Variants in GPC5 observed in about 807,000 individuals in gnomAD.
GPC5 encodes glypican-5.
In GPC5, 47 loss-of-function variants were observed where a neutral mutation model predicts 53.9. That is an observed-to-expected ratio of 0.87 (90% CI 0.69 to 1.11). The LOEUF is 1.11. Among genes scored for constraint, GPC5 ranks in the 50% most tolerant of loss-of-function variants. GPC5 has a pLI of 0.00. For missense variants in GPC5, 748 were observed against 713.1 expected, an observed-to-expected ratio of 1.05 and a Z score of -0.56; for synonymous variants, 286 against 263.3, an observed-to-expected ratio of 1.09 and a Z score of -0.84.
At chr13:92,303,658 A>G (rs537783473) in intron 7 of GPC5, among the ~76,000 whole-genome samples, 2 of 152,336 alleles carry the variant, frequency 1.3e-5, no homozygotes, top group Admixed American at 6.5e-5. Context: ...GCATTGCCCA[A>G]CACAAACCAA....
At chr13:92,077,731 A>T (rs1184216871) in intron 6 of GPC5, among the ~76,000 whole-genome samples, 3 of 152,190 alleles carry the variant, frequency 2.0e-5, no homozygotes, top group African/African-American at 7.2e-5. Flanking sequence ...AAATGTGTGG[A>T]TAAGAGAGCA....
At chr13:92,479,567 G>C (rs1302125349) in intron 7 of GPC5, among the ~76,000 whole-genome samples, 1 of 152,150 alleles carries the variant, frequency 6.6e-6, no homozygotes, top group Non-Finnish European at 1.5e-5. Context: ...CAGAGAACTG[G>C]AGTACAGCTG....
chr13:91,588,044 C>A (rs2032662617), intron 2 of GPC5, among the ~76,000 whole-genome samples: 1 of 152,122 alleles, frequency 6.6e-6, no homozygotes, highest in Non-Finnish European at 1.5e-5. Context: ...CACTGCAAAT[C>A]ATCTATGCTA....
chr13:92,155,624 C>T (rs151269671), intron 7 of GPC5, among the ~76,000 whole-genome samples: 5 of 152,050 alleles, frequency 3.3e-5, no homozygotes, highest in South Asian at 2.1e-4. Flanking sequence ...TTTTGATCTT[C>T]GCTCAAATTC....
chr13:92,450,011 T>C (rs1433541744), intron 7 of GPC5, among the ~76,000 whole-genome samples: 1 of 152,134 alleles, frequency 6.6e-6, no homozygotes, highest in Non-Finnish European at 1.5e-5. Flanking sequence ...AAATTAAGAA[T>C]AGAAAGACCT....
intron 3 of GPC5, among the ~76,000 whole-genome samples, chr13:91,694,238 T>C (rs993200236): frequency 2.0e-5 from 3 of 152,216 alleles, no homozygotes; most frequent in African/African-American, 7.2e-5. Context: ...CATACAACAT[T>C]TGAAGTATTC....
At chr13:92,707,855 C>A (rs529541049) in intron 7 of GPC5, among the ~76,000 whole-genome samples, 1 of 152,044 alleles carries the variant, frequency 6.6e-6, no homozygotes, top group African/African-American at 2.4e-5. Flanking sequence ...GATTTCTGGT[C>A]CTTTACCTGA....
In GPC5 at chr13:91,422,024, G is replaced by A. The variant is rs78080287; in HGVS notation, c.163+22815G>A. ...ATGGGATGGAGCCTTGAAACGTCCA[G>A]CACCTTTCTGATGATGATCCTTCCC... On this transcript the variant is annotated intron_variant, in intron 1 of 7. Transcript: ENST00000377067. Among the ~76,000 whole-genome samples the A allele has an allele frequency of 5.3e-3, 803 of 152,276 alleles. 2 individuals carry two copies. The highest frequency in any genetic ancestry group is 0.01 in the Middle Eastern group (3 of 294).
chr13:91,924,808 T>C (rs1420795964), intron 6 of GPC5, among the ~76,000 whole-genome samples: 2 of 152,020 alleles, frequency 1.3e-5, no homozygotes, highest in African/African-American at 4.8e-5. Context: ...AAATGTATAT[T>C]TCCCAACCTA....
intron 7 of GPC5, among the ~76,000 whole-genome samples, chr13:92,549,558 A>T (rs544303927): frequency 1.3e-5 from 2 of 152,184 alleles, no homozygotes; most frequent in South Asian, 4.1e-4. Context: ...CTCATGCCAC[A>T]TCCTGGCATT....
At chr13:92,007,522 G>A (rs2040618254) in intron 6 of GPC5, among the ~76,000 whole-genome samples, 1 of 152,098 alleles carries the variant, frequency 6.6e-6, no homozygotes, top group South Asian at 2.1e-4. Flanking sequence ...TGCTTTGTGT[G>A]AAGAGCTACT....
chr13:92,201,912 G>A (rs1409369577), intron 7 of GPC5, among the ~76,000 whole-genome samples: 1 of 152,176 alleles, frequency 6.6e-6, no homozygotes, highest in African/African-American at 2.4e-5. Flanking sequence ...CTTCATGGAA[G>A]TTACTTTGGC....
intron 5 of GPC5, among the ~76,000 whole-genome samples, chr13:91,852,987 C>T (rs140499230): frequency 7.2e-5 from 11 of 152,156 alleles, no homozygotes; most frequent in African/African-American, 2.4e-4. Flanking sequence ...GAAGTCTGCC[C>T]TTGTGTAGTT....
At chr13:91,870,070 C>A (rs2039127327) in intron 5 of GPC5, among the ~76,000 whole-genome samples, 1 of 152,160 alleles carries the variant, frequency 6.6e-6, no homozygotes, top group African/African-American at 2.4e-5. Context: ...TGATTTCTCA[C>A]TTTCTTGGAG....
At chr13:92,424,254 C>T (rs1313232699) in intron 7 of GPC5, among the ~76,000 whole-genome samples, 1 of 151,696 alleles carries the variant, frequency 6.6e-6, no homozygotes, top group Non-Finnish European at 1.5e-5. Flanking sequence ...ACAATAAAAC[C>T]AATTATTTAT....
At chr13:92,646,440 A>G (rs1885772406) in intron 7 of GPC5, among the ~76,000 whole-genome samples, 2 of 151,970 alleles carry the variant, frequency 1.3e-5, no homozygotes, top group South Asian at 4.1e-4. Flanking sequence ...GTGACTTTAA[A>G]TCAAACCATA....
intron 7 of GPC5, among the ~76,000 whole-genome samples, chr13:92,391,295 A>G (rs910234174): frequency 6.6e-6 from 1 of 152,126 alleles, no homozygotes; most frequent in African/African-American, 2.4e-5. Context: ...TCACAATTCT[A>G]TTAGTTTTGA....
intron 6 of GPC5, among the ~76,000 whole-genome samples, chr13:92,017,849 C>T (rs1304378943): frequency 6.6e-6 from 1 of 151,298 alleles, no homozygotes; most frequent in Admixed American, 6.6e-5. Context: ...CACACTTCCA[C>T]AAAATACACA....
At position 91,741,571 on chromosome 13, in the gene GPC5, G is replaced by A. The variant is rs528342478; in HGVS notation, c.1154+12906G>A. On this transcript the variant is annotated intron_variant, in intron 4 of 7. Coordinates refer to ENST00000377067, the MANE Select transcript of GPC5 (RefSeq NM_004466.6). The stretch of plus-strand genomic sequence containing the variant: ...AATGTTATTTAAGATTATTGCTAAG[G>A]TAGATAGATTCATATTAAATGGCAT... 2.0e-5 allele frequency among the ~76,000 whole-genome samples: 3 copies of A among 152,208 alleles called. No homozygotes were observed. In the East Asian group the frequency reaches 5.8e-4, roughly 29 times the overall value.
Sources: allele counts gnomAD v4.1 joint callset (sites outside exome capture counted in the v4.1 genomes callset), GRCh38; gene constraint gnomAD v4.1.1; transcripts MANE v1.5; gene names NCBI Gene and HGNC (gene_info 2026-07-23, HGNC 2026-07-21).